MIGA1: variants seen among roughly 807,000 people sequenced by gnomAD.
MIGA1 encodes family with sequence similarity 73, member A.
A neutral mutation model predicts 82.0 loss-of-function variants in MIGA1; 58 were observed. The ratio of observed to expected loss-of-function variants is 0.71; its 90% CI spans 0.57 to 0.88. MIGA1 has a LOEUF of 0.88. MIGA1 is among the 40% of genes least tolerant of loss of function. The probability of loss-of-function intolerance (pLI) is 0.00; values close to 1 mark genes in which losing one functional copy is unlikely to be tolerated. For missense variants in MIGA1, 751 were observed against 749.1 expected (o/e 1.00, Z -0.03); for synonymous variants, 249 against 253.6 (o/e 0.98, Z 0.17).
Position 77,864,016 on chromosome 1 carries a change from C to T in MIGA1, c.1497C>T (p.Ser499=), listed in dbSNP as rs375939438. 38 of 1,603,046 alleles carry T rather than the reference C, an allele frequency of 2.4e-5. No individual in the cohort carries two copies. Among genetic ancestry groups the T allele is most frequent in the Non-Finnish European group, 3.1e-5 (37 of 1,177,656 alleles). ...TAAATAATCGATGGCTAAACTCATC[C>T]TTCAAAGAAACAGTAAGTGGTGGTT... is the stretch of plus-strand genomic sequence containing the variant. Residue 499 remains serine, a synonymous_variant, in exon 13 of 16, where the codon TCC becomes TCT. Coordinates refer to ENST00000370791, the MANE Select transcript of MIGA1 (RefSeq NM_198549.4).
chr1:77,867,947 C>T (rs72685330), intron 14 of MIGA1, among the ~76,000 whole-genome samples: 4,113 of 152,090 alleles, frequency 0.027, 96 homozygotes, highest in South Asian at 0.11. Context: ...TGAACTCTAA[C>T]GTTAGGACTA....
intron 8 of MIGA1, chr1:77,848,673 A>T (rs1295342130): frequency 6.3e-7 from 1 of 1,577,200 alleles, no homozygotes; most frequent in African/African-American, 1.3e-5. Context: ...AAGAGAGACC[A>T]CCTGAGGCAG....
At chr1:77,833,846 G>A (rs1335689978) in intron 7 of MIGA1, among the ~76,000 whole-genome samples, 2 of 152,204 alleles carry the variant, frequency 1.3e-5, no homozygotes, top group African/African-American at 4.8e-5. Flanking sequence ...CAAAAGGGGG[G>A]AGGGTGTAGA....
intron 10 of MIGA1, 116 bp from the exon 11 acceptor site, chr1:77,859,924 A>C: frequency 4.6e-6 from 3 of 655,670 alleles, no homozygotes; most frequent in Non-Finnish European, 7.9e-6. Flanking sequence ...CTGCCTGTTG[A>C]AATAGCACCA....
intron 14 of MIGA1, among the ~76,000 whole-genome samples, chr1:77,867,415 C>T (rs1260166603): frequency 6.6e-6 from 1 of 152,234 alleles, no homozygotes; most frequent in Non-Finnish European, 1.5e-5. Context: ...GCCTCTATAA[C>T]TCCTGGGCTA....
At position 77,807,069 on chromosome 1, in the gene MIGA1, C is replaced by T; in HGVS notation, c.605C>T (p.Pro202Leu). The change falls in exon 5 of 16, where the codon CCT becomes CTT. Residue 202 changes from proline (P) to leucine (L), a missense_variant. By Grantham distance (98) the Pro-to-Leu change is moderately conservative. This residue lies in a region of MIGA1 where 482 missense variants were observed against 439.4 expected (regional missense o/e 1.10). Transcript: ENST00000370791. ...GATGATATTAAACTTGTTAATATTC[C>T]TGTGACTACTCCAGAGAACTTATAC... 1 of 1,594,190 alleles carries T rather than the reference C, an allele frequency of 6.3e-7. No individual in the cohort carries two copies.
At chr1:77,807,157 T>G in intron 5 of MIGA1, 56 bp downstream of exon 5, 6 of 1,387,172 alleles carry the variant, frequency 4.3e-6, no homozygotes, top group Non-Finnish European at 5.9e-6. Context: ...ATTTGTTTTG[T>G]TCTTGTTTTT....
At chr1:77,797,356 A>G (rs1365542402) in intron 2 of MIGA1, among the ~76,000 whole-genome samples, 1 of 152,192 alleles carries the variant, frequency 6.6e-6, no homozygotes, top group Non-Finnish European at 1.5e-5. Context: ...TGTCTATTCT[A>G]CTGTATTGAT....
At chr1:77,840,984 G>A (rs901979988) in intron 7 of MIGA1, among the ~76,000 whole-genome samples, 2 of 152,124 alleles carry the variant, frequency 1.3e-5, no homozygotes, top group African/African-American at 2.4e-5. Context: ...AAAGCTCAGT[G>A]TGTGTGTATT....
chr1:77,870,035 C>T (rs1685877907), intron 14 of MIGA1, among the ~76,000 whole-genome samples: 1 of 120,758 alleles, frequency 8.3e-6, no homozygotes, highest in Non-Finnish European at 1.8e-5. Context: ...CCAGTAGGGG[C>T]GGCCGGGCAG....
intron 4 of MIGA1, among the ~76,000 whole-genome samples, chr1:77,806,363 A>G (rs565325999): frequency 6.6e-6 from 1 of 152,340 alleles, no homozygotes; most frequent in East Asian, 1.9e-4. Flanking sequence ...TGTTATGTCG[A>G]AAGTGTCTGT....
At position 77,824,104 on chromosome 1, in the gene MIGA1, C is replaced by A. The variant is rs190902054; in HGVS notation, c.895+8873C>A. Among the ~76,000 whole-genome samples, 113 of 152,242 alleles carry A rather than the reference C, an allele frequency of 7.4e-4. 3 individuals are homozygous for A. The East Asian group carries it at 0.021, about 28-fold the overall frequency. On this transcript the variant is annotated intron_variant, in intron 7 of 15. Transcript: ENST00000370791. ...AGATCTGACATTTCTGTTAATTTAG[C>A]AGCAAACATGCTGGAAATATTAGAA...
In MIGA1 at chr1:77,801,425, G is replaced by T. The variant is rs766210952; in HGVS notation, c.290G>T (p.Arg97Leu). 1 of 1,609,024 alleles carries T rather than the reference G, an allele frequency of 6.2e-7. No homozygotes were observed. The highest frequency in any genetic ancestry group is 8.5e-7 in the Non-Finnish European group (1 of 1,179,040). The change falls in exon 3 of 16, where the codon CGT becomes CTT. Residue 97 changes from arginine (R) to leucine (L), a missense_variant. This residue lies in a region of MIGA1 where 482 missense variants were observed against 439.4 expected (regional missense o/e 1.10). Coordinates refer to ENST00000370791, the MANE Select transcript of MIGA1 (RefSeq NM_198549.4). ...CTGGCTCATCACTTTAAAAGAAAAC[G>T]TGGAAAGAAGAAAGGAAAAATATTA...
intron 8 of MIGA1, among the ~76,000 whole-genome samples, chr1:77,854,445 G>A (rs754738450): frequency 3.3e-5 from 5 of 152,162 alleles, no homozygotes; most frequent in African/African-American, 9.7e-5. Flanking sequence ...TCAAATGGTA[G>A]TTCTACTTTT....
At chr1:77,781,246 CA>C (rs1255517178) in intron 1 of MIGA1, among the ~76,000 whole-genome samples, 3 of 152,110 alleles carry the variant, frequency 2.0e-5, no homozygotes, top group Non-Finnish European at 4.4e-5. Flanking sequence ...TCTCTGCAGC[CA>C]ATTAAAGTGT....
chr1:77,801,246 T>TTAAGAG (rs1470998509), intron 2 of MIGA1, 85 bp from the exon 3 acceptor site: 1 of 925,504 alleles, frequency 1.1e-6, no homozygotes, highest in Non-Finnish European at 1.6e-6. Flanking sequence ...ATAGGTTAGA[T>TTAAGAG]TAAGAGTAAG....
At chr1:77,819,954 G>A (rs907437064) in intron 7 of MIGA1, among the ~76,000 whole-genome samples, 29 of 152,182 alleles carry the variant, frequency 1.9e-4, no homozygotes, top group South Asian at 6.2e-4. Flanking sequence ...CCTTGAATGG[G>A]AGGATTAACT....
rs114072638 is a variant in MIGA1, at chr1:77,827,678, C to T, written c.895+12447C>T. Among the ~76,000 whole-genome samples, 143 of 152,078 alleles carry T rather than the reference C, an allele frequency of 9.4e-4. 1 individual carries two copies. Among genetic ancestry groups the T allele is most frequent in the African/African-American group, 3.2e-3 (133 of 41,492 alleles). The stretch of plus-strand genomic sequence containing the variant: ...CCCTGACCTTTCTCTAGAAAGTCTG[C>T]GAAGGAGAGTGAACTAGTACACACC... On this transcript the variant is annotated intron_variant, in intron 7 of 15. Transcript: ENST00000370791.
intron 8 of MIGA1, 74 bp from the exon 9 acceptor site, chr1:77,858,864 C>T: frequency 1.2e-6 from 1 of 821,070 alleles, no homozygotes; most frequent in South Asian, 1.5e-5. Flanking sequence ...AAATGATCCT[C>T]CCAAAGTGTT....
Sources: allele counts gnomAD v4.1 joint callset (sites outside exome capture counted in the v4.1 genomes callset), GRCh38; gene constraint gnomAD v4.1.1; regional missense constraint gnomAD v4.1.1; transcripts MANE v1.5; gene names NCBI Gene and HGNC (gene_info 2026-07-23, HGNC 2026-07-21).